Variants in VWC2 observed in about 807,000 individuals in gnomAD.
VWC2 encodes von Willebrand factor C domain containing 2, also known as brorin.
In VWC2, 14 loss-of-function variants were observed where a neutral mutation model predicts 29.8. That is an observed-to-expected ratio of 0.47 (90% CI 0.31 to 0.74). VWC2 has a LOEUF of 0.74. Among genes scored for constraint, VWC2 ranks in the 30% least tolerant of loss-of-function variants. VWC2 has a pLI of 0.05. For missense variants in VWC2, 457 were observed against 459.8 expected (o/e 0.99, Z 0.05); for synonymous variants, 213 against 199.0 (o/e 1.07, Z -0.59).
chr7:49,850,174 A>G (rs1479629633), intron 3 of VWC2, among the ~76,000 whole-genome samples: 1 of 152,262 alleles, frequency 6.6e-6, no homozygotes, highest in Admixed American at 6.5e-5. Context: ...AAGACTGAGC[A>G]TAGTACCACA....
intron 2 of VWC2, among the ~76,000 whole-genome samples, chr7:49,778,159 T>A (rs1344606805): frequency 6.6e-6 from 1 of 151,864 alleles, no homozygotes; most frequent in Admixed American, 6.6e-5. Flanking sequence ...TGAAGCTGCT[T>A]TTGTCTATGG....
At chr7:49,779,508 G>A (rs543067408) in intron 2 of VWC2, among the ~76,000 whole-genome samples, 1 of 151,796 alleles carries the variant, frequency 6.6e-6, no homozygotes, top group East Asian at 1.9e-4. Context: ...CCTCTCAAAT[G>A]ATACCAAGTG....
At chr7:49,803,631 C>G (rs766750606) in intron 3 of VWC2, among the ~76,000 whole-genome samples, 5 of 152,086 alleles carry the variant, frequency 3.3e-5, no homozygotes, top group Non-Finnish European at 7.4e-5. Context: ...GCTGTGGGGA[C>G]CCCTGGTTGA....
At chr7:49,857,009 C>CAAAAAAAAAAAAA (rs59910243) in intron 3 of VWC2, among the ~76,000 whole-genome samples, 30 of 52,786 alleles carry the variant, frequency 5.7e-4, no homozygotes, top group Non-Finnish European at 8.5e-4. Flanking sequence ...GATACTGTCT[C>CAAAAAAAAAAAAA]AAAAAAAAAA....
intron 3 of VWC2, among the ~76,000 whole-genome samples, chr7:49,824,650 C>T (rs1232488901): frequency 3.3e-5 from 5 of 152,140 alleles, no homozygotes; most frequent in Admixed American, 2.6e-4. Flanking sequence ...GAAAAACAGA[C>T]ATCTTAACCA....
At chr7:49,890,909 C>T (rs1438125738) in intron 3 of VWC2, among the ~76,000 whole-genome samples, 1 of 146,494 alleles carries the variant, frequency 6.8e-6, no homozygotes. Context: ...AGCCAGGAGA[C>T]GGGTAAACAG....
At chr7:49,836,411 T>G (rs1789658971) in intron 3 of VWC2, among the ~76,000 whole-genome samples, 1 of 151,520 alleles carries the variant, frequency 6.6e-6, no homozygotes, top group Non-Finnish European at 1.5e-5. Flanking sequence ...GGCAGATCAC[T>G]TGAGGTAGCG....
At position 49,774,043 on chromosome 7, in the gene VWC2, G is replaced by C. The variant is rs1446246388; in HGVS notation, c.-174G>C. Reference sequence around the variant, plus strand: ...GGCCCAGGATGGGCGCTGGCAACCCGGGCCCGCGCCCGCCGCTGCTACCCC... The same window carrying C: ...GGCCCAGGATGGGCGCTGGCAACCCCGGCCCGCGCCCGCCGCTGCTACCCC... On this transcript the variant is annotated 5_prime_UTR_variant, in exon 1 of 4. Transcript: ENST00000340652. The C allele has an allele frequency of 6.6e-6, 1 of 151,932 alleles. No homozygotes were observed. The highest frequency in any genetic ancestry group is 6.6e-5 in the Admixed American group (1 of 15,240). The allele number at this position is 151,932 out of a possible 1,614,324, so 9.4% of individuals were successfully genotyped here. A position where few individuals can be genotyped will look rare whatever the true frequency, so the allele number is the denominator to read the frequency against.
At chr7:49,872,864 C>T (rs1701461298) in intron 3 of VWC2, among the ~76,000 whole-genome samples, 1 of 123,982 alleles carries the variant, frequency 8.1e-6, no homozygotes, top group Non-Finnish European at 1.6e-5. Flanking sequence ...TGCAGTGACC[C>T]GAGATCATGC....
chr7:49,794,181 A>G (rs2128704371), intron 2 of VWC2, among the ~76,000 whole-genome samples: 1 of 152,274 alleles, frequency 6.6e-6, no homozygotes, highest in South Asian at 2.1e-4. Flanking sequence ...GCCCATTTGC[A>G]TGCTAGCAAA....
Position 49,775,644 on chromosome 7 carries a change from G to A in VWC2, c.209G>A (p.Gly70Asp). ...NELGRPARDE[G>D]GSGRDWKSKS... Reference sequence around the variant, plus strand: ...CTCGGGCGCCCGGCGAGGGACGAGGGCGGCAGCGGCCGGGACTGGAAGAGC... The same window carrying A: ...CTCGGGCGCCCGGCGAGGGACGAGGACGGCAGCGGCCGGGACTGGAAGAGC... Residue 70 changes from glycine to aspartate, a missense_variant, in exon 2 of 4, where the codon GGC becomes GAC. By Grantham distance (94) the Gly-to-Asp change is moderately conservative. Transcript: ENST00000340652. 6.5e-7 allele frequency: 1 copy of A among 1,529,488 alleles called. No homozygotes were observed. Among genetic ancestry groups the A allele is most frequent in the East Asian group, 2.5e-5 (1 of 39,394 alleles). 94.7% of individuals were successfully genotyped at this position (1,529,488 alleles called of 1,614,324 possible).
intron 3 of VWC2, among the ~76,000 whole-genome samples, chr7:49,880,089 T>A (rs901138394): frequency 3.9e-5 from 6 of 152,212 alleles, no homozygotes; most frequent in Admixed American, 1.3e-4. Flanking sequence ...TTTGGAATAA[T>A]AACTCCCGTT....
chr7:49,790,262 G>A (rs1788435878), intron 2 of VWC2, among the ~76,000 whole-genome samples: 1 of 152,214 alleles, frequency 6.6e-6, no homozygotes, highest in Admixed American at 6.5e-5. Context: ...CATAAAGAAG[G>A]AAAAGTTGTC....
chr7:49,863,175 T>C (rs1790729291), intron 3 of VWC2, among the ~76,000 whole-genome samples: 1 of 152,218 alleles, frequency 6.6e-6, no homozygotes, highest in African/African-American at 2.4e-5. Flanking sequence ...TTTTCTTCTT[T>C]GTGAGTCAGC....
In VWC2 at chr7:49,856,439, C is replaced by T. The variant is rs555025413; in HGVS notation, c.826+53599C>T. Among the ~76,000 whole-genome samples the T allele has an allele frequency of 2.0e-5, 3 of 152,236 alleles. No homozygotes were observed. The South Asian group carries it at 6.2e-4, about 32-fold the overall frequency. ...AGGTTCACCAGAAAAAGATGTTGGCCCCATGCTTCTTGTACAGGCTGCAGA... is the reference window on the plus strand; with the variant it reads ...AGGTTCACCAGAAAAAGATGTTGGCTCCATGCTTCTTGTACAGGCTGCAGA... On this transcript the variant is annotated intron_variant, in intron 3 of 3. Transcript: ENST00000340652.
chr7:49,922,198 A>C (rs930656372), downstream of VWC2, among the ~76,000 whole-genome samples: 1 of 152,154 alleles, frequency 6.6e-6, no homozygotes, highest in African/African-American at 2.4e-5. Context: ...ATAATATCCC[A>C]CGGAATTGAC....
intron 3 of VWC2, among the ~76,000 whole-genome samples, chr7:49,815,302 C>T (rs1232000340): frequency 1.3e-5 from 2 of 152,222 alleles, no homozygotes; most frequent in East Asian, 3.9e-4. Flanking sequence ...AGTAATACTG[C>T]AGTAAGCATC....
At chr7:49,848,608 C>T (rs531591453) in intron 3 of VWC2, among the ~76,000 whole-genome samples, 7 of 152,218 alleles carry the variant, frequency 4.6e-5, no homozygotes, top group Non-Finnish European at 7.3e-5. Flanking sequence ...CCATCTTTTC[C>T]CTTTCTCCAC....
intron 3 of VWC2, among the ~76,000 whole-genome samples, chr7:49,803,531 C>A (rs528693376): frequency 6.6e-6 from 1 of 152,206 alleles, no homozygotes; most frequent in Admixed American, 6.5e-5. Context: ...TGGGAAACAG[C>A]GGACAGAGGG....
Sources: gnomAD v4.1 joint callset for allele counts (sites outside exome capture counted in the v4.1 genomes callset) on GRCh38, gnomAD v4.1.1 for gene constraint, MANE v1.5 for transcripts, NCBI Gene and HGNC (gene_info 2026-07-23, HGNC 2026-07-21) for gene names.